Variants in ACSS3 observed in about 807,000 individuals in gnomAD.
ACSS3 encodes acyl-CoA synthetase short-chain family member 3, mitochondrial.
In ACSS3, 64 loss-of-function variants were observed where a neutral mutation model predicts 84.2. That is an observed-to-expected ratio of 0.76 (90% CI 0.62 to 0.94). The LOEUF (loss-of-function observed/expected upper bound fraction) is 0.94. ACSS3 is among the 40% of genes least tolerant of loss of function. The pLI is 0.00. For missense variants in ACSS3, 815 were observed against 867.6 expected (o/e 0.94, Z 0.76); for synonymous variants, 317 against 310.1 (o/e 1.02, Z -0.23).
chr12:81,205,519 A>T (rs986849937), intron 9 of ACSS3, among the ~76,000 whole-genome samples: 2 of 152,130 alleles, frequency 1.3e-5, no homozygotes, highest in Non-Finnish European at 2.9e-5. Context: ...GATAACAGAG[A>T]TCTCTGTGGG....
At chr12:81,145,434 T>C (rs529881484) in intron 5 of ACSS3, among the ~76,000 whole-genome samples, 1 of 152,252 alleles carries the variant, frequency 6.6e-6, no homozygotes, top group African/African-American at 2.4e-5. Flanking sequence ...GATACAACTA[T>C]GAGTAAAGTA....
chr12:81,168,369 A>G (rs1378981090), intron 7 of ACSS3, among the ~76,000 whole-genome samples: 1 of 152,182 alleles, frequency 6.6e-6, no homozygotes, highest in Non-Finnish European at 1.5e-5. Flanking sequence ...TTAGAATCCC[A>G]TAGAAGCTAT....
chr12:81,108,543 C>T (rs1334265193), intron 1 of ACSS3, among the ~76,000 whole-genome samples: 1 of 152,084 alleles, frequency 6.6e-6, no homozygotes, highest in Non-Finnish European at 1.5e-5. Context: ...TCCCAAAGTG[C>T]TGGGATTACA....
intron 13 of ACSS3, among the ~76,000 whole-genome samples, chr12:81,245,151 T>C (rs979974133): frequency 1.3e-5 from 2 of 152,202 alleles, no homozygotes; most frequent in Non-Finnish European, 2.9e-5. Flanking sequence ...CAGTTCTTTG[T>C]AGATTTTTCC....
At chr12:81,080,343 C>T (rs1880890355) in intron 1 of ACSS3, among the ~76,000 whole-genome samples, 1 of 151,438 alleles carries the variant, frequency 6.6e-6, no homozygotes, top group Non-Finnish European at 1.5e-5. Context: ...TTTGTAATAT[C>T]TAGTTGCTTG....
chr12:81,151,957 A>T lies in ACSS3; in HGVS notation c.1002+33A>T, dbSNP rs755844009. The T allele has an allele frequency of 1.2e-5, 20 of 1,612,786 alleles. No homozygotes were observed. The South Asian group carries it at 1.5e-4, about 12-fold the overall frequency. ...TGGTTTTAAATTTACATTACATGAC[A>T]TTCTCTGAATAAAATATATTCATTT... On this transcript the variant is annotated intron_variant, in intron 6 of 15. Transcript: ENST00000548058.
At chr12:81,213,978 T>TCCCTCC (rs1312820523) in intron 9 of ACSS3, among the ~76,000 whole-genome samples, 1 of 35,746 alleles carries the variant, frequency 2.8e-5, no homozygotes, top group Non-Finnish European at 9.3e-5. Flanking sequence ...TTTCTTTCTT[T>TCCCTCC]CTTTCTTTCT....
chr12:81,080,824 A>C (rs554962689), intron 1 of ACSS3, among the ~76,000 whole-genome samples: 1 of 152,226 alleles, frequency 6.6e-6, no homozygotes, highest in Admixed American at 6.5e-5. Context: ...AACTGGATAC[A>C]TAGCTTTGAT....
chr12:81,257,108 G>A lies in ACSS3; in HGVS notation c.*2186G>A, dbSNP rs1470606749. 6.6e-6 allele frequency: 1 copy of A among 152,032 alleles called. No homozygotes were observed. Among genetic ancestry groups the A allele is most frequent in the Non-Finnish European group, 1.5e-5 (1 of 68,010 alleles). 9.4% of individuals were successfully genotyped at this position (152,032 alleles called of 1,614,324 possible). A position where few individuals can be genotyped will look rare whatever the true frequency, so the allele number is the denominator to read the frequency against. On this transcript the variant is annotated 3_prime_UTR_variant, in exon 16 of 16. Coordinates refer to ENST00000548058, the MANE Select transcript of ACSS3 (RefSeq NM_024560.4). ...CAGGCAGATCCAATAATTAGGTAAAGGTTGCATCTTTGGTCCTCTTGCACA... is the reference window on the plus strand; with the variant it reads ...CAGGCAGATCCAATAATTAGGTAAAAGTTGCATCTTTGGTCCTCTTGCACA...
chr12:81,177,145 A>C (rs949937055), intron 8 of ACSS3, among the ~76,000 whole-genome samples: 1 of 152,212 alleles, frequency 6.6e-6, no homozygotes, highest in Non-Finnish European at 1.5e-5. Context: ...CAAACAAGGC[A>C]TCAAAAGAAC....
intron 7 of ACSS3, among the ~76,000 whole-genome samples, chr12:81,155,615 C>A (rs143666409): frequency 6.6e-6 from 1 of 152,228 alleles, no homozygotes; most frequent in Non-Finnish European, 1.5e-5. Context: ...ATCTCACACT[C>A]TGCTGGTCAT....
intron 2 of ACSS3, among the ~76,000 whole-genome samples, chr12:81,120,829 C>T (rs916148254): frequency 2.6e-5 from 4 of 152,098 alleles, no homozygotes; most frequent in African/African-American, 9.7e-5. Flanking sequence ...CTCATGCCAA[C>T]CTTGACTTAA....
At chr12:81,122,793 C>T (rs1249087965) in intron 2 of ACSS3, among the ~76,000 whole-genome samples, 2 of 151,992 alleles carry the variant, frequency 1.3e-5, no homozygotes, top group Non-Finnish European at 2.9e-5. Context: ...TCATTTTAGT[C>T]CAGGTGGGTT....
intron 13 of ACSS3, among the ~76,000 whole-genome samples, chr12:81,242,793 C>T (rs10778805): frequency 0.68 from 98,112 of 143,926 alleles, 34,044 homozygotes; most frequent in Non-Finnish European, 0.76. Flanking sequence ...AAAAGGCCTT[C>T]AACAAAATTC....
intron 12 of ACSS3, 42 bp downstream of exon 12, chr12:81,231,180 T>C (rs1210344105): frequency 1.4e-6 from 2 of 1,468,418 alleles, no homozygotes; most frequent in Non-Finnish European, 1.9e-6. Context: ...TATGTACTTT[T>C]CTATAATTCT....
chr12:81,254,966 T>C lies in ACSS3; in HGVS notation c.*44T>C. 7.1e-7 allele frequency: 1 copy of C among 1,416,240 alleles called. No homozygotes were observed. Among genetic ancestry groups the C allele is most frequent in the Non-Finnish European group, 9.7e-7 (1 of 1,034,954 alleles). 87.7% of individuals were successfully genotyped at this position (1,416,240 alleles called of 1,614,324 possible). Reference sequence around the variant, plus strand: ...ATTTTGAGTTGATTTAATTTCTTAATTGAAATTAAATTATTTGAGTTGTTT... The same window carrying C: ...ATTTTGAGTTGATTTAATTTCTTAACTGAAATTAAATTATTTGAGTTGTTT... On this transcript the variant is annotated 3_prime_UTR_variant, in exon 16 of 16. Transcript: ENST00000548058.
chr12:81,131,386 G>A (rs940409129), intron 2 of ACSS3, among the ~76,000 whole-genome samples: 1 of 152,128 alleles, frequency 6.6e-6, no homozygotes, highest in Non-Finnish European at 1.5e-5. Context: ...TATCTTTGAA[G>A]TAATTGTGAA....
chr12:81,115,699 G>A (rs1883982210), intron 2 of ACSS3, among the ~76,000 whole-genome samples: 2 of 152,198 alleles, frequency 1.3e-5, no homozygotes, highest in Middle Eastern at 3.4e-3. Context: ...TTTGGAGAGA[G>A]ACATTCTCAC....
chr12:81,243,029 A>G (rs200024534), intron 13 of ACSS3, among the ~76,000 whole-genome samples: 63,784 of 150,066 alleles, frequency 0.43, 14,417 homozygotes, highest in Non-Finnish European at 0.52. Context: ...CAAGAGAAGG[A>G]AATAAAGGGT....
Sources: gnomAD v4.1 joint callset for allele counts (sites outside exome capture counted in the v4.1 genomes callset) on GRCh38, gnomAD v4.1.1 for gene constraint, MANE v1.5 for transcripts, NCBI Gene and HGNC (gene_info 2026-07-23, HGNC 2026-07-21) for gene names.